The following CD38 variants were observed in gnomAD, a reference collection of about 807,000 sequenced individuals.
CD38 encodes the protein ADP-ribosyl cyclase/cyclic ADP-ribose hydrolase 1.
CD38 carries 31 observed loss-of-function variants against 36.3 expected under a neutral mutation model. That is an observed-to-expected ratio of 0.85 (90% CI 0.64 to 1.15). The LOEUF (loss-of-function observed/expected upper bound fraction) is 1.15, where lower values mean the gene tolerates loss of function less well. CD38 is among the 50% of genes most tolerant of loss of function. The pLI, the probability that CD38 is intolerant of heterozygous loss-of-function variation, is 0.00. For missense variants in CD38, 380 were observed against 371.9 expected (o/e 1.02, Z -0.18); for synonymous variants, 131 against 135.2 (o/e 0.97, Z 0.22).
rs756363707 is a variant in CD38 at position 15,838,161 on chromosome 4, A to T, written c.655A>T (p.Asn219Tyr). The T allele has an allele frequency of 3.1e-6, 5 of 1,609,344 alleles. No homozygotes were observed. The highest frequency in any genetic ancestry group is 4.3e-6 in the Non-Finnish European group (5 of 1,175,748). ...NGSRSKIFDK[N>Y]STFGSVEVHN... ...ATCCCGCAGTAAAATCTTTGACAAAAACAGGTACACATTTATTTTGCATCC... is the reference window on the plus strand; with the variant it reads ...ATCCCGCAGTAAAATCTTTGACAAATACAGGTACACATTTATTTTGCATCC... Residue 219 changes from asparagine (N) to tyrosine (Y), a missense_variant, in exon 5 of 8, where the codon AAC becomes TAC. Physicochemically the swap from Asn to Tyr is moderately radical, Grantham distance 143 (BLOSUM62 -2). Coordinates refer to ENST00000226279, the MANE Select transcript of CD38 (RefSeq NM_001775.4).
chr4:15,784,581 A>G (rs1300694450), intron 1 of CD38, among the ~76,000 whole-genome samples: 1 of 152,128 alleles, frequency 6.6e-6, no homozygotes, highest in Non-Finnish European at 1.5e-5. Context: ...CACAGGACAG[A>G]ATTCCAGCAT....
chr4:15,789,347 A>C (rs1722906764), intron 1 of CD38, among the ~76,000 whole-genome samples: 1 of 152,186 alleles, frequency 6.6e-6, no homozygotes, highest in Non-Finnish European at 1.5e-5. Context: ...GAAAGTATTA[A>C]AAAGAGTGCT....
intron 1 of CD38, among the ~76,000 whole-genome samples, chr4:15,808,316 T>C (rs1723387666): frequency 6.6e-6 from 1 of 152,160 alleles, no homozygotes; most frequent in East Asian, 1.9e-4. Context: ...AGTGTGGTCT[T>C]TATCTGGATG....
intron 1 of CD38, among the ~76,000 whole-genome samples, chr4:15,787,828 CAT>C (rs1722874795): frequency 6.6e-6 from 1 of 152,194 alleles, no homozygotes; most frequent in Non-Finnish European, 1.5e-5. Context: ...TCAGTACAGA[CAT>C]AATGCCGAAA....
intron 3 of CD38, among the ~76,000 whole-genome samples, chr4:15,828,771 A>G (rs151117370): frequency 1.3e-3 from 197 of 152,342 alleles, no homozygotes; most frequent in African/African-American, 4.3e-3. Context: ...TAGTGCTGCA[A>G]TGAACATGGG....
chr4:15,804,241 A>G (rs1255992419), intron 1 of CD38, among the ~76,000 whole-genome samples: 1 of 151,862 alleles, frequency 6.6e-6, no homozygotes, highest in Admixed American at 6.6e-5. Context: ...AAATCTCCAA[A>G]GTGATATTCA....
chr4:15,821,111 G>A (rs1723724511), intron 2 of CD38, among the ~76,000 whole-genome samples: 1 of 152,104 alleles, frequency 6.6e-6, no homozygotes, highest in Non-Finnish European at 1.5e-5. Flanking sequence ...ATAAAATTAA[G>A]CCAGAAATTA....
Position 15,803,750 on chromosome 4 carries a change from C to G in CD38, c.234-12761C>G, listed in dbSNP as rs537577828. ...TTCAGAATATGATTGAACCCATCTC[C>G]CAGGTGGTGAGCATAGTACCCAATA... On this transcript the variant is annotated intron_variant, in intron 1 of 7. Coordinates refer to ENST00000226279, the MANE Select transcript of CD38 (RefSeq NM_001775.4). Among the ~76,000 whole-genome samples, 6 of 152,222 alleles carry G rather than the reference C, an allele frequency of 3.9e-5. No homozygotes were observed. In the East Asian group the frequency reaches 1.2e-3, roughly 29 times the overall value.
rs1553871760 is a variant in CD38 at position 15,780,526 on chromosome 4, A to ACGCG, written c.233+1880_233+1881insGCGC. Among the ~76,000 whole-genome samples, 68 of 139,272 alleles carry ACGCG rather than the reference A, an allele frequency of 4.9e-4. 1 individual carries two copies. Among genetic ancestry groups the ACGCG allele is most frequent in the East Asian group, 1.3e-3 (6 of 4,640 alleles). 91.4% of individuals were successfully genotyped at this position (139,272 alleles called of 152,430 possible). ...AGATAATATTCTCTCTCTCACACAC[A>ACGCG]CACACACACACACACACACACACAC... On this transcript the variant is annotated intron_variant, in intron 1 of 7. Coordinates refer to ENST00000226279, the MANE Select transcript of CD38 (RefSeq NM_001775.4).
chr4:15,807,398 T>C (rs757787325), intron 1 of CD38, among the ~76,000 whole-genome samples: 1 of 152,228 alleles, frequency 6.6e-6, no homozygotes, highest in African/African-American at 2.4e-5. Context: ...GTTTGGATGC[T>C]ATTTTTGCTT....
chr4:15,793,104 A>G (rs1202760410), intron 1 of CD38, among the ~76,000 whole-genome samples: 1 of 152,038 alleles, frequency 6.6e-6, no homozygotes, highest in Admixed American at 6.6e-5. Context: ...AGCTTGGCCA[A>G]TCAGAATCAC....
At chr4:15,836,012 G>T (rs1248763259) in intron 4 of CD38, among the ~76,000 whole-genome samples, 1 of 152,186 alleles carries the variant, frequency 6.6e-6, no homozygotes, top group African/African-American at 2.4e-5. Context: ...AAAGAAAAAG[G>T]TGTGAGTAAC....
chr4:15,817,560 A>C (rs1461986034), intron 2 of CD38, among the ~76,000 whole-genome samples: 1 of 152,054 alleles, frequency 6.6e-6, no homozygotes, highest in Non-Finnish European at 1.5e-5. Flanking sequence ...CATTTATCTC[A>C]GTTAATTTCC....
In CD38 at chr4:15,849,963, T is replaced by C. The variant is rs1724350055; in HGVS notation, c.*1361T>C. The C allele has an allele frequency of 6.6e-6, 1 of 152,198 alleles. No homozygotes were observed. The highest frequency in any genetic ancestry group is 1.5e-5 in the Non-Finnish European group (1 of 68,030). The allele number at this position is 152,198 out of a possible 1,614,324, so 9.4% of individuals were successfully genotyped here. A position where few individuals can be genotyped will look rare whatever the true frequency, so the allele number is the denominator to read the frequency against. On this transcript the variant is annotated 3_prime_UTR_variant, in exon 8 of 8. Transcript: ENST00000226279. The stretch of plus-strand genomic sequence containing the variant: ...TTAAAAATATCTTTCAATTCATTGT[T>C]ATATAAAAATATGTGCCTAGTTTTT...
At chr4:15,834,444 T>C in intron 4 of CD38, 142 bp downstream of exon 4, 1 of 622,188 alleles carries the variant, frequency 1.6e-6, no homozygotes, top group Middle Eastern at 2.6e-4. Context: ...AGAAAAAGGT[T>C]CAGATGCACA....
intron 3 of CD38, among the ~76,000 whole-genome samples, chr4:15,831,315 G>A (rs890690113): frequency 6.6e-5 from 10 of 152,124 alleles, no homozygotes; most frequent in African/African-American, 2.2e-4. Flanking sequence ...TAGTTTACAC[G>A]TCATAGTTAC....
At position 15,778,388 on chromosome 4, in the gene CD38, C is replaced by T; in HGVS notation, c.-27C>T. On this transcript the variant is annotated 5_prime_UTR_variant, in exon 1 of 8. Coordinates refer to ENST00000226279, the MANE Select transcript of CD38 (RefSeq NM_001775.4). This position sits in a 1 kb window ranked among gnomAD's most constrained non-coding sequence, Gnocchi z 4.9. ...CCTAGCCTCCTGCCGGCCTCATCTT[C>T]GCCCAGCCAACCCCGCCTGGAGCCC... The T allele has an allele frequency of 1.3e-6, 2 of 1,543,072 alleles. No homozygotes were observed. The highest frequency in any genetic ancestry group is 2.2e-5 in the East Asian group (1 of 44,446).
Position 15,848,589 on chromosome 4 carries a change from C to T in CD38, c.890C>T (p.Thr297Ile). 3.7e-6 allele frequency: 6 copies of T among 1,613,594 alleles called. No homozygotes were observed. The highest frequency in any genetic ancestry group is 4.2e-6 in the Non-Finnish European group (5 of 1,179,542). The change falls in exon 8 of 8, where the codon ACA (threonine) becomes ATA (isoleucine). Residue 297 changes from threonine (T) to isoleucine (I), a missense_variant. Thr to Ile is a moderately conservative substitution (Grantham distance 89). Coordinates refer to ENST00000226279, the MANE Select transcript of CD38 (RefSeq NM_001775.4). ...AAAAATCCTGAGGATTCATCTTGCA[C>T]ATCTGAGATCTGAGCCAGTCGCTGT... ...CVKNPEDSSC[T>I]SEI
At chr4:15,802,491 G>GTTTTGTTTTATTTTATTTTA (rs896891502) in intron 1 of CD38, among the ~76,000 whole-genome samples, 1 of 134,110 alleles carries the variant, frequency 7.5e-6, no homozygotes, top group Admixed American at 7.8e-5. Context: ...GCAATTGTTT[G>GTTTTGTTTTATTTTATTTTA]TTTTATTTTA....
Sources: gnomAD v4.1 joint callset for allele counts (sites outside exome capture counted in the v4.1 genomes callset) on GRCh38, gnomAD v4.1.1 for gene constraint, Gnocchi (gnomAD v3.1) non-coding constraint, MANE v1.5 for transcripts, NCBI Gene and HGNC (gene_info 2026-07-23, HGNC 2026-07-21) for gene names.